The following CCDC62 variants were observed in gnomAD, a reference collection of about 807,000 sequenced individuals.
The protein encoded by CCDC62 is coiled-coil domain-containing protein 62.
Under a neutral mutation model 80.8 loss-of-function variants are expected in CCDC62, and 72 were observed. The observed-to-expected ratio is 0.89, with a 90% confidence interval of 0.74 to 1.08. CCDC62 has a LOEUF of 1.08. CCDC62 is among the 50% of genes least tolerant of loss of function. The pLI is 0.00. For synonymous variants in CCDC62, 286 were observed against 296.5 expected, an observed-to-expected ratio of 0.96 and a Z score of 0.36; for missense variants, 704 against 809.4, an observed-to-expected ratio of 0.87 and a Z score of 1.58.
At chr12:122,795,631 A>G (rs530739902) in intron 6 of CCDC62, among the ~76,000 whole-genome samples, 10 of 152,120 alleles carry the variant, frequency 6.6e-5, no homozygotes, top group African/African-American at 1.4e-4. Context: ...TCACCGTGTT[A>G]GCCAGGATGG....
Position 122,801,120 on chromosome 12 carries a change from A to C in CCDC62, c.978-4A>C, listed in dbSNP as rs541181423. 43 of 1,601,654 alleles carry C rather than the reference A, an allele frequency of 2.7e-5. No homozygotes were observed. Among genetic ancestry groups the C allele is most frequent in the Non-Finnish European group, 3.7e-5 (43 of 1,176,162 alleles). ...CCTCCATTTTTTTTCTAATGCCACC[A>C]TAGCAGAGACATGTGTTTATCAGAC... On this transcript the variant is annotated splice_region_variant and splice_polypyrimidine_tract_variant and intron_variant, in intron 8 of 12. Transcript: ENST00000253079.
chr12:122,811,051 A>T (rs1275917617), intron 10 of CCDC62, among the ~76,000 whole-genome samples: 1 of 151,854 alleles, frequency 6.6e-6, no homozygotes, highest in Non-Finnish European at 1.5e-5. Flanking sequence ...GGATAGCATT[A>T]AGAGATATAC....
At chr12:122,819,824 G>A (rs572663334) in intron 11 of CCDC62, among the ~76,000 whole-genome samples, 1 of 152,260 alleles carries the variant, frequency 6.6e-6, no homozygotes, top group African/African-American at 2.4e-5. Flanking sequence ...GGAGGCCAAG[G>A]TGGGAGGATT....
chr12:122,826,536 G>A lies in CCDC62; in HGVS notation c.*155G>A, dbSNP rs1308000652. ...AAACGGCACTTAATTCCAGCTGGGA[G>A]CAGAACTAGAAAGTTAATTTTTAAA... On this transcript the variant is annotated 3_prime_UTR_variant, in exon 13 of 13. Transcript: ENST00000253079. 9 of 731,238 alleles carry A rather than the reference G, an allele frequency of 1.2e-5. No homozygotes were observed. Among genetic ancestry groups the A allele is most frequent in the Non-Finnish European group, 2.3e-5 (9 of 395,196 alleles). The allele number at this position is 731,238 out of a possible 1,614,324, so 45.3% of individuals were successfully genotyped here. A position where few individuals can be genotyped will look rare whatever the true frequency, so the allele number is the denominator to read the frequency against.
rs1178599037 is a variant in CCDC62 at position 122,814,285 on chromosome 12, A to G, written c.2001+866A>G. On this transcript the variant is annotated intron_variant, in intron 11 of 12. Coordinates refer to ENST00000253079, the MANE Select transcript of CCDC62 (RefSeq NM_201435.5). ...AATGAGCAAAGCTCCACCTCAAAAA[A>G]AAAAAAAAAAAAAAAAGAGAGAGAG... Among the ~76,000 whole-genome samples, 64 of 37,188 alleles carry G rather than the reference A, an allele frequency of 1.7e-3. 1 individual carries two copies. The East Asian group carries it at 0.26, about 149-fold the overall frequency. The allele number at this position is 37,188 out of a possible 152,430, so 24.4% of individuals were successfully genotyped here. A position where few individuals can be genotyped will look rare whatever the true frequency, so the allele number is the denominator to read the frequency against.
chr12:122,823,495 A>G (rs948430201), intron 12 of CCDC62, 36 bp downstream of exon 12: 2 of 973,860 alleles, frequency 2.1e-6, no homozygotes, highest in Non-Finnish European at 3.3e-6. Context: ...TTATATCTCA[A>G]TTAATATTTA....
At chr12:122,795,013 T>A (rs1473475230) in intron 6 of CCDC62, among the ~76,000 whole-genome samples, 1 of 152,084 alleles carries the variant, frequency 6.6e-6, no homozygotes, top group African/African-American at 2.4e-5. Context: ...CATGATAATA[T>A]GCCGTCAAGT....
At chr12:122,774,760 C>G in intron 1 of CCDC62, 54 bp downstream of exon 1, 3 of 1,196,716 alleles carry the variant, frequency 2.5e-6, no homozygotes, top group East Asian at 3.2e-5. Context: ...GCACATTGGT[C>G]GAAATCTATT....
chr12:122,780,327 A>AAG (rs1491340262), intron 2 of CCDC62, among the ~76,000 whole-genome samples: 7 of 132,184 alleles, frequency 5.3e-5, no homozygotes, highest in African/African-American at 2.0e-4. Flanking sequence ...AAAAAAAAAA[A>AAG]AGAAGGCCGG....
At chr12:122,819,685 T>C (rs1232463640) in intron 11 of CCDC62, among the ~76,000 whole-genome samples, 2 of 152,172 alleles carry the variant, frequency 1.3e-5, no homozygotes, top group African/African-American at 2.4e-5. Context: ...GGTGCTCTAG[T>C]ATGTGGAAAT....
chr12:122,812,809 AAGAAAG>A (rs1409038276), intron 10 of CCDC62, among the ~76,000 whole-genome samples: 1 of 149,956 alleles, frequency 6.7e-6, no homozygotes, highest in Non-Finnish European at 1.5e-5. Context: ...GAAAGAAAGA[AAGAAAG>A]AAAGAAAGAA....
intron 10 of CCDC62, among the ~76,000 whole-genome samples, chr12:122,812,831 A>AAAGAAAGAAAGAAAGAAAG (rs1566086864): frequency 7.2e-6 from 1 of 138,930 alleles, no homozygotes; most frequent in Non-Finnish European, 1.6e-5. Context: ...AAGAAAGAAA[A>AAAGAAAGAAAGAAAGAAAG]GGAATGAATT....
At chr12:122,780,730 G>A (rs12303270) in intron 2 of CCDC62, among the ~76,000 whole-genome samples, 8,462 of 152,152 alleles carry the variant, frequency 0.056, 414 homozygotes, top group East Asian at 0.27. Flanking sequence ...CAATGTTAGT[G>A]CACAAACACA....
At chr12:122,775,546 C>A (rs932772435) in intron 1 of CCDC62, among the ~76,000 whole-genome samples, 13 of 152,206 alleles carry the variant, frequency 8.5e-5, no homozygotes, top group Non-Finnish European at 4.4e-5. Flanking sequence ...AGCCTTGGGA[C>A]TTGAAATCCC....
chr12:122,788,940 G>T lies in CCDC62; in HGVS notation c.670+11G>T, dbSNP rs753196688. 3 of 1,562,420 alleles carry T rather than the reference G, an allele frequency of 1.9e-6. No homozygotes were observed. Among genetic ancestry groups the T allele is most frequent in the Admixed American group, 4.2e-5 (2 of 47,668 alleles). On this transcript the variant is annotated intron_variant, in intron 5 of 12. Transcript: ENST00000253079. Reference sequence around the variant, plus strand: ...TCAACAAACTAAAAGGTAAGGAAGAGACCTACATTTAAGATACAAATGTAT... The same window carrying T: ...TCAACAAACTAAAAGGTAAGGAAGATACCTACATTTAAGATACAAATGTAT...
chr12:122,822,060 A>ACACACACACAC (rs111650304), intron 11 of CCDC62, among the ~76,000 whole-genome samples: 3 of 115,764 alleles, frequency 2.6e-5, no homozygotes, highest in Non-Finnish European at 5.0e-5. Flanking sequence ...TATAAATTTA[A>ACACACACACAC]ACACACACAC....
At chr12:122,788,116 C>T (rs966788157) in intron 4 of CCDC62, among the ~76,000 whole-genome samples, 4 of 152,126 alleles carry the variant, frequency 2.6e-5, no homozygotes, top group Non-Finnish European at 4.4e-5. Context: ...GGGGTAAAAC[C>T]TCTTAATAAC....
chr12:122,814,298 AAAAG>A (rs1555258337), intron 11 of CCDC62, among the ~76,000 whole-genome samples: 1 of 15,804 alleles, frequency 6.3e-5, no homozygotes, highest in African/African-American at 1.5e-4. Flanking sequence ...AAAAAAAAAA[AAAAG>A]AGAGAGAGAA....
At chr12:122,777,338 G>A in intron 1 of CCDC62, 153 bp from the exon 2 acceptor site, 1 of 616,460 alleles carries the variant, frequency 1.6e-6, no homozygotes, top group Non-Finnish European at 2.8e-6. Context: ...CATGTTTTAA[G>A]TATACATAAT....
Sources: gnomAD v4.1 joint callset for allele counts (sites outside exome capture counted in the v4.1 genomes callset) on GRCh38, gnomAD v4.1.1 for gene constraint, MANE v1.5 for transcripts, NCBI Gene and HGNC (gene_info 2026-07-23, HGNC 2026-07-21) for gene names.